HPSE2: variants seen among roughly 807,000 people sequenced by gnomAD.
HPSE2 encodes inactive heparanase-2.
In HPSE2, 38 loss-of-function variants were observed where a neutral mutation model predicts 60.5. The ratio of observed to expected loss-of-function variants is 0.63; its 90% confidence interval spans 0.48 to 0.82. The LOEUF (loss-of-function observed/expected upper bound fraction) is 0.82, where lower values mean the gene tolerates loss of function less well. Among genes scored for constraint, HPSE2 ranks in the 40% least tolerant of loss-of-function variants. HPSE2 has a pLI of 0.00. For missense variants in HPSE2, 713 were observed against 740.4 expected, an observed-to-expected ratio of 0.96 and a Z score of 0.43; for synonymous variants, 295 against 293.2, an observed-to-expected ratio of 1.01 and a Z score of -0.06.
At chr10:99,259,388 T>C in the HPSE2 span, among the ~76,000 whole-genome samples, 1 of 148,908 alleles carries the variant, frequency 6.7e-6, no homozygotes, top group Non-Finnish European at 1.5e-5. Flanking sequence ...AAAGCACATA[T>C]ACCATAAAAG....
At chr10:98,550,303 C>T (rs908492249) in intron 9 of HPSE2, among the ~76,000 whole-genome samples, 2 of 135,112 alleles carry the variant, frequency 1.5e-5, no homozygotes, top group African/African-American at 5.7e-5. Context: ...TTTTTTTTTT[C>T]GAGATGGGTT....
chr10:98,767,572 C>CTA (rs3043500), intron 3 of HPSE2, among the ~76,000 whole-genome samples: 1,752 of 145,284 alleles, frequency 0.012, 24 homozygotes, highest in African/African-American at 0.041. Flanking sequence ...TTATGTAATG[C>CTA]TATATATAAT....
At chr10:98,855,988 G>C (rs765666598) in intron 3 of HPSE2, among the ~76,000 whole-genome samples, 1 of 152,244 alleles carries the variant, frequency 6.6e-6, no homozygotes, top group African/African-American at 2.4e-5. Context: ...TTGCAATGAG[G>C]TAACCATAGC....
intron 7 of HPSE2, among the ~76,000 whole-genome samples, chr10:98,624,799 T>C (rs1946164043): frequency 6.6e-6 from 1 of 152,196 alleles, no homozygotes; most frequent in South Asian, 2.1e-4. Context: ...CAAAGACACA[T>C]ACACTAGGCC....
At chr10:98,913,940 G>A (rs564776630) in intron 3 of HPSE2, among the ~76,000 whole-genome samples, 178 of 152,196 alleles carry the variant, frequency 1.2e-3, no homozygotes, top group African/African-American at 4.2e-3. Context: ...GCACTCATAC[G>A]CTTTTTCTCT....
intron 3 of HPSE2, among the ~76,000 whole-genome samples, chr10:98,960,718 T>TTG (rs1955642661): frequency 2.2e-5 from 1 of 44,784 alleles, no homozygotes; most frequent in Non-Finnish European, 4.6e-5. Flanking sequence ...TTTTTTTTTT[T>TTG]TTGTTTTATT....
intron 3 of HPSE2, among the ~76,000 whole-genome samples, chr10:98,832,157 G>A (rs1181802330): frequency 6.6e-6 from 1 of 152,166 alleles, no homozygotes; most frequent in Admixed American, 6.5e-5. Context: ...CCGCCTTGTG[G>A]TGTTCAGTCA....
chr10:99,211,525 T>C (rs2133909442), intron 2 of HPSE2, among the ~76,000 whole-genome samples: 1 of 152,210 alleles, frequency 6.6e-6, no homozygotes, highest in African/African-American at 2.4e-5. Context: ...CATATACCAA[T>C]GGAACAGAAC....
intron 3 of HPSE2, among the ~76,000 whole-genome samples, chr10:98,994,038 T>C (rs1250178866): frequency 6.6e-6 from 1 of 152,228 alleles, no homozygotes; most frequent in Non-Finnish European, 1.5e-5. Context: ...TATATTTCTT[T>C]CTGCCAGAAT....
chr10:98,967,790 T>C (rs1052051565), intron 3 of HPSE2, among the ~76,000 whole-genome samples: 2 of 152,184 alleles, frequency 1.3e-5, no homozygotes, highest in African/African-American at 4.8e-5. Flanking sequence ...TTGTTGCAGA[T>C]AGATGTAAGA....
chr10:98,924,631 G>C (rs1460525053), intron 3 of HPSE2: 1 of 152,236 alleles, frequency 6.6e-6, no homozygotes, highest in Non-Finnish European at 1.5e-5. Context: ...TAAACGGAAA[G>C]AAACAGTCAC....
At chr10:98,888,135 AACACACACACACACACACAC>A (rs3043548) in intron 3 of HPSE2, among the ~76,000 whole-genome samples, 5 of 140,710 alleles carry the variant, frequency 3.6e-5, no homozygotes, top group African/African-American at 1.3e-4. Context: ...TTTTAAAACA[AACACACACACACACACACAC>A]ACACACACAC....
chr10:99,260,023 G>A, the HPSE2 span, among the ~76,000 whole-genome samples: 2 of 152,070 alleles, frequency 1.3e-5, no homozygotes, highest in African/African-American at 4.8e-5. Context: ...AAAAGGTAGG[G>A]GACTGCTGCT....
chr10:98,852,751 A>G (rs74610539), intron 3 of HPSE2, among the ~76,000 whole-genome samples: 186 of 152,336 alleles, frequency 1.2e-3, no homozygotes, highest in Non-Finnish European at 2.5e-3. Context: ...GTGTGAGAAT[A>G]GAAGGAAACT....
intron 3 of HPSE2, among the ~76,000 whole-genome samples, chr10:98,960,730 T>TC (rs373800370): frequency 4.0e-5 from 1 of 24,798 alleles, no homozygotes; most frequent in South Asian, 1.4e-3. Flanking sequence ...TGTTTTATTT[T>TC]TTTTATTTTA....
intron 3 of HPSE2, among the ~76,000 whole-genome samples, chr10:98,856,115 C>T (rs1479459784): frequency 1.3e-5 from 2 of 152,108 alleles, no homozygotes; most frequent in African/African-American, 4.8e-5. Flanking sequence ...AGAGGTACAC[C>T]CATCGGCAGA....
chr10:98,990,024 G>A (rs1455523801), intron 3 of HPSE2, among the ~76,000 whole-genome samples: 1 of 152,096 alleles, frequency 6.6e-6, no homozygotes, highest in Non-Finnish European at 1.5e-5. Context: ...TTAGAAAGAG[G>A]CGCAAACAAA....
At chr10:98,577,668 G>T (rs561224580) in intron 9 of HPSE2, among the ~76,000 whole-genome samples, 1 of 152,230 alleles carries the variant, frequency 6.6e-6, no homozygotes, top group Admixed American at 6.5e-5. Context: ...GGTTAGTTTG[G>T]TGGTACTTTG....
intron 3 of HPSE2, among the ~76,000 whole-genome samples, chr10:98,745,360 A>G (rs1025997641): frequency 6.6e-6 from 1 of 152,080 alleles, no homozygotes. Flanking sequence ...ATAACTTACT[A>G]TAATCTCTGT....
Sources: gnomAD v4.1 joint callset for allele counts (sites outside exome capture counted in the v4.1 genomes callset) on GRCh38, gnomAD v4.1.1 for gene constraint, MANE v1.5 for transcripts, NCBI Gene and HGNC (gene_info 2026-07-23, HGNC 2026-07-21) for gene names.